GLB1: variants seen among roughly 807,000 people sequenced by gnomAD.
GLB1 encodes beta-galactosidase.
A neutral mutation model predicts 74.0 loss-of-function variants in GLB1; 56 were observed. The ratio of observed to expected loss-of-function variants is 0.76; its 90% CI spans 0.61 to 0.94. The LOEUF (loss-of-function observed/expected upper bound fraction) is 0.94. GLB1 is among the 40% of genes least tolerant of loss of function. GLB1 has a pLI of 0.00. For synonymous variants in GLB1, 323 were observed against 323.6 expected (o/e 1.00, Z 0.02); for missense variants, 787 against 845.5 (o/e 0.93, Z 0.86).
At chr3:33,010,699 A>G (rs552405808) in intron 15 of GLB1, among the ~76,000 whole-genome samples, 1 of 152,358 alleles carries the variant, frequency 6.6e-6, no homozygotes, top group South Asian at 2.1e-4. Context: ...TGTCAAATCT[A>G]AGAAGTCTTT....
At chr3:33,076,248 T>C (rs190948338) in intron 1 of GLB1, among the ~76,000 whole-genome samples, 3 of 152,084 alleles carry the variant, frequency 2.0e-5, no homozygotes, top group African/African-American at 7.2e-5. Context: ...TGGAGAAAAC[T>C]GCGTGTGAGG....
chr3:33,092,929 C>T (rs750571432), intron 1 of GLB1: 11 of 1,614,062 alleles, frequency 6.8e-6, no homozygotes, highest in African/African-American at 4.0e-5. Context: ...CTGACATACA[C>T]GAATGTAGCC....
At chr3:33,029,664 A>G (rs935109430) in intron 10 of GLB1, among the ~76,000 whole-genome samples, 9 of 152,204 alleles carry the variant, frequency 5.9e-5, no homozygotes, top group African/African-American at 2.2e-4. Context: ...ACATGGATGG[A>G]GCTGGAGGCC....
chr3:33,007,648 AATTAT>A (rs1166801694), intron 15 of GLB1, among the ~76,000 whole-genome samples: 7 of 152,196 alleles, frequency 4.6e-5, no homozygotes, highest in African/African-American at 7.2e-5. Context: ...ACCTTTTGGC[AATTAT>A]GGATAACGGT....
chr3:33,042,797 GAGAT>G (rs1698560996), intron 10 of GLB1, among the ~76,000 whole-genome samples: 2 of 152,212 alleles, frequency 1.3e-5, no homozygotes, highest in East Asian at 3.8e-4. Flanking sequence ...TGTCCAGGCG[GAGAT>G]ATGCCACATG....
chr3:33,042,344 CTA>C (rs1698535890), intron 10 of GLB1, among the ~76,000 whole-genome samples: 1 of 149,304 alleles, frequency 6.7e-6, no homozygotes, highest in South Asian at 2.1e-4. Context: ...TGTTCCCCAT[CTA>C]TATCCCTGAC....
intron 10 of GLB1, among the ~76,000 whole-genome samples, chr3:33,038,932 T>A (rs1229783608): frequency 6.6e-6 from 1 of 152,164 alleles, no homozygotes; most frequent in Non-Finnish European, 1.5e-5. Context: ...TTTTGTTTTA[T>A]TGACCTCTAG....
At position 33,014,135 on chromosome 3, in the gene GLB1, T is replaced by C. The variant is rs1321946606; in HGVS notation, c.1655A>G (p.Tyr552Cys). 1 of 1,614,060 alleles carries C rather than the reference T, an allele frequency of 6.2e-7. No individual in the cohort carries two copies. Among genetic ancestry groups the C allele is most frequent in the Non-Finnish European group, 8.5e-7 (1 of 1,179,996 alleles). ...NSSNYTLPAF[Y>C]MGNFSIPSGI... ...ACTGGGAATGGAGAAGTTCCCCATA[T>C]AAAAGGCCGGGAGCGTGTAGTTGGA... is the stretch of plus-strand genomic sequence containing the variant. Residue 552 changes from tyrosine to cysteine, a missense_variant, in exon 15 of 16, where the codon TAT (tyrosine) becomes TGT (cysteine). Transcript: ENST00000307363.
At chr3:33,071,224 C>T (rs1699875749) in intron 2 of GLB1, among the ~76,000 whole-genome samples, 1 of 152,240 alleles carries the variant, frequency 6.6e-6, no homozygotes, top group South Asian at 2.1e-4. Context: ...TCTTCCAGAA[C>T]TCACTGTCGG....
intron 1 of GLB1, chr3:33,077,061 A>T (rs1700135912): frequency 3.7e-5 from 33 of 894,390 alleles, no homozygotes; most frequent in Non-Finnish European, 4.6e-5. Flanking sequence ...CTGTCTCTAT[A>T]AAAAAAAAAA....
At chr3:33,080,101 T>G (rs1184967819) in intron 1 of GLB1, among the ~76,000 whole-genome samples, 2 of 151,386 alleles carry the variant, frequency 1.3e-5, no homozygotes, top group Admixed American at 1.3e-4. Flanking sequence ...TGTTTTTTTT[T>G]GTTTGTTTGT....
chr3:33,068,123 G>A, intron 4 of GLB1, 107 bp downstream of exon 4: 1 of 1,526,298 alleles, frequency 6.6e-7, no homozygotes, highest in South Asian at 1.1e-5. Flanking sequence ...CCAACCTCAG[G>A]TAATCCACCC....
intron 10 of GLB1, among the ~76,000 whole-genome samples, chr3:33,044,012 T>G (rs1333593349): frequency 6.6e-6 from 1 of 152,158 alleles, no homozygotes; most frequent in Non-Finnish European, 1.5e-5. Context: ...AGGACAACTC[T>G]CACTAAATAG....
In GLB1 at chr3:33,082,175, A is replaced by G. The variant is rs1700346146; in HGVS notation, c.76-9462T>C. On this transcript the variant is annotated intron_variant, in intron 1 of 15. Coordinates refer to ENST00000307363, the MANE Select transcript of GLB1 (RefSeq NM_000404.4). Reference sequence around the variant, plus strand: ...GTAGCACCAGGGAACCTGAAATGCCATCACTCTCCCTTATCACTCTTAGGG... The same window carrying G: ...GTAGCACCAGGGAACCTGAAATGCCGTCACTCTCCCTTATCACTCTTAGGG... Among the ~76,000 whole-genome samples the G allele has an allele frequency of 2.0e-5, 3 of 152,260 alleles. No homozygotes were observed. The South Asian group carries it at 6.2e-4, about 31-fold the overall frequency.
intron 5 of GLB1, among the ~76,000 whole-genome samples, chr3:33,062,652 G>T (rs1026237450): frequency 6.6e-6 from 1 of 152,124 alleles, no homozygotes; most frequent in Non-Finnish European, 1.5e-5. Context: ...AGCTGGCGTG[G>T]TTGCCCGCAC....
intron 9 of GLB1, among the ~76,000 whole-genome samples, chr3:33,049,078 T>A (rs1698864821): frequency 6.6e-6 from 1 of 152,136 alleles, no homozygotes; most frequent in African/African-American, 2.4e-5. Context: ...AGTATAACAG[T>A]AAGATTTTTA....
intron 1 of GLB1, among the ~76,000 whole-genome samples, chr3:33,083,317 A>C (rs1348803396): frequency 6.6e-6 from 1 of 150,486 alleles, no homozygotes; most frequent in Non-Finnish European, 1.5e-5. Flanking sequence ...GAATCCCTTG[A>C]ACCTGGGAGG....
chr3:33,032,838 C>T lies in GLB1; in HGVS notation c.1069-8513G>A, dbSNP rs747329844. ...GAAGTGCCCCAAGGGAGGAATCCCA[C>T]CAGCATGTTCATAGTGTCATATGTT... On this transcript the variant is annotated intron_variant, in intron 10 of 15. Transcript: ENST00000307363. 1.4e-4 allele frequency among the ~76,000 whole-genome samples: 22 copies of T among 152,346 alleles called. No homozygotes were observed. The South Asian group carries it at 2.1e-3, about 14-fold the overall frequency.
At chr3:32,979,164 T>C in the GLB1 span, among the ~76,000 whole-genome samples, 7 of 151,874 alleles carry the variant, frequency 4.6e-5, no homozygotes, top group African/African-American at 1.7e-4. Flanking sequence ...TTAGTAGAGA[T>C]GGGGTTTCTC....
Sources: gnomAD v4.1 joint callset for allele counts (sites outside exome capture counted in the v4.1 genomes callset) on GRCh38, gnomAD v4.1.1 for gene constraint, MANE v1.5 for transcripts, NCBI Gene and HGNC (gene_info 2026-07-23, HGNC 2026-07-21) for gene names.